The following NELL1 variants were observed in gnomAD, a reference collection of about 807,000 sequenced individuals.
The protein encoded by NELL1 is neural EGFL like 1, also known as protein kinase C-binding protein NELL1.
Under a neutral mutation model 107.4 loss-of-function variants are expected in NELL1, and 76 were observed. The ratio of observed to expected loss-of-function variants is 0.71; its 90% confidence interval spans 0.59 to 0.86. The LOEUF (loss-of-function observed/expected upper bound fraction) is 0.86. Ranked by LOEUF, NELL1 falls within the 40% of genes least tolerant of loss-of-function variation. The probability of loss-of-function intolerance (pLI) is 0.00; values close to 1 mark genes in which losing one functional copy is unlikely to be tolerated. For missense variants in NELL1, 1,024 were observed against 1,005.5 expected (o/e 1.02, Z -0.25); for synonymous variants, 353 against 341.2 (o/e 1.03, Z -0.38).
chr11:20,800,388 T>A (rs144512498), intron 3 of NELL1, among the ~76,000 whole-genome samples: 2,101 of 152,330 alleles, frequency 0.014, 61 homozygotes, highest in African/African-American at 0.048. Flanking sequence ...ATAATAGGCA[T>A]TCTGAAGGGT....
At chr11:20,794,376 A>G (rs960771960) in intron 3 of NELL1, among the ~76,000 whole-genome samples, 1 of 152,226 alleles carries the variant, frequency 6.6e-6, no homozygotes, top group Admixed American at 6.5e-5. Flanking sequence ...CATAGTATGC[A>G]CTCAATAAAC....
At chr11:21,404,858 T>C (rs554146622) in intron 15 of NELL1, among the ~76,000 whole-genome samples, 1 of 152,110 alleles carries the variant, frequency 6.6e-6, no homozygotes, top group South Asian at 2.1e-4. Flanking sequence ...TCCTCAGTGG[T>C]CCCAAGGGGA....
chr11:21,239,515 A>C (rs1037455818), intron 14 of NELL1, among the ~76,000 whole-genome samples: 4 of 152,076 alleles, frequency 2.6e-5, no homozygotes, highest in Non-Finnish European at 5.9e-5. Flanking sequence ...AACATTCGTG[A>C]GACTCAGATC....
chr11:20,818,406 CTTTTTTTTTT>C (rs57318040), intron 3 of NELL1, among the ~76,000 whole-genome samples: 3 of 108,726 alleles, frequency 2.8e-5, no homozygotes, highest in Non-Finnish European at 3.9e-5. Flanking sequence ...GCAACCCCTG[CTTTTTTTTTT>C]TTTTTTTTTT....
intron 15 of NELL1, among the ~76,000 whole-genome samples, chr11:21,371,267 T>G (rs1167077619): frequency 6.6e-6 from 1 of 152,136 alleles, no homozygotes; most frequent in African/African-American, 2.4e-5. Context: ...TATCATCTAC[T>G]GGGTAGCATC....
At chr11:21,209,764 G>A (rs1470367042) in intron 13 of NELL1, among the ~76,000 whole-genome samples, 2 of 151,846 alleles carry the variant, frequency 1.3e-5, no homozygotes, top group African/African-American at 4.8e-5. Context: ...AGTCCGATAG[G>A]AATATCCACA....
chr11:20,774,511 A>G (rs1856710662), intron 2 of NELL1, among the ~76,000 whole-genome samples: 3 of 148,002 alleles, frequency 2.0e-5, no homozygotes, highest in African/African-American at 7.3e-5. Context: ...GATTACAGGC[A>G]TATGCTACCA....
intron 14 of NELL1, among the ~76,000 whole-genome samples, chr11:21,333,627 C>T (rs1202684870): frequency 2.0e-5 from 3 of 151,978 alleles, no homozygotes; most frequent in African/African-American, 7.2e-5. Context: ...TTACTGTCAC[C>T]ATGGGTTGTC....
chr11:20,878,563 T>C (rs1849351240), intron 4 of NELL1, among the ~76,000 whole-genome samples: 2 of 152,118 alleles, frequency 1.3e-5, no homozygotes, highest in African/African-American at 2.4e-5. Context: ...TGGTGCTTCT[T>C]GTATAAATCT....
chr11:21,350,936 T>G (rs1850796766), intron 14 of NELL1, among the ~76,000 whole-genome samples: 1 of 152,184 alleles, frequency 6.6e-6, no homozygotes, highest in South Asian at 2.1e-4. Context: ...TATTTGGGAA[T>G]AGGACCTTTA....
At chr11:21,400,208 G>A (rs986802581) in intron 15 of NELL1, among the ~76,000 whole-genome samples, 18 of 151,630 alleles carry the variant, frequency 1.2e-4, no homozygotes, top group Non-Finnish European at 1.6e-4. Context: ...TCTCTGATGC[G>A]TTTCCTACCC....
intron 14 of NELL1, among the ~76,000 whole-genome samples, chr11:21,293,207 C>A (rs550600697): frequency 6.6e-6 from 1 of 151,918 alleles, no homozygotes; most frequent in African/African-American, 2.4e-5. Context: ...CCAGAATCTA[C>A]AAGGAACTTA....
chr11:21,310,973 G>T (rs1213770877), intron 14 of NELL1, among the ~76,000 whole-genome samples: 2 of 152,020 alleles, frequency 1.3e-5, no homozygotes, highest in Admixed American at 6.6e-5. Context: ...TCAAGCTTCG[G>T]TATATGGGCA....
At chr11:20,862,327 C>T (rs902299808) in intron 4 of NELL1, among the ~76,000 whole-genome samples, 1 of 151,970 alleles carries the variant, frequency 6.6e-6, no homozygotes, top group Non-Finnish European at 1.5e-5. Context: ...TTTGGCATAG[C>T]AAAATTGAAC....
chr11:20,755,908 T>A (rs1356516182), intron 2 of NELL1, among the ~76,000 whole-genome samples: 3 of 114,924 alleles, frequency 2.6e-5, no homozygotes, highest in East Asian at 5.4e-4. Context: ...TTTTTTTTTT[T>A]ATGAGACGGA....
At chr11:21,542,782 G>A (rs542474336) in intron 16 of NELL1, among the ~76,000 whole-genome samples, 4 of 152,034 alleles carry the variant, frequency 2.6e-5, no homozygotes, top group African/African-American at 9.6e-5. Context: ...CCTCTTAAAA[G>A]CAATTAGAAT....
chr11:20,965,509 A>G (rs11025838), intron 12 of NELL1, among the ~76,000 whole-genome samples: 15,156 of 152,186 alleles, frequency 0.1, 937 homozygotes, highest in East Asian at 0.25. Flanking sequence ...GGGTTCATCA[A>G]TTCTTCCAGG....
chr11:20,876,494 G>A (rs1351068128), intron 4 of NELL1, among the ~76,000 whole-genome samples: 2 of 152,164 alleles, frequency 1.3e-5, no homozygotes, highest in Non-Finnish European at 2.9e-5. Context: ...CGCCGGGCAC[G>A]GTGGCTCATG....
intron 13 of NELL1, among the ~76,000 whole-genome samples, chr11:21,135,990 GC>G (rs1187489479): frequency 3.3e-5 from 5 of 152,144 alleles, no homozygotes. Context: ...TGGGGAAATA[GC>G]TATTTAAAAA....
Sources: gnomAD v4.1 joint callset for allele counts (sites outside exome capture counted in the v4.1 genomes callset) on GRCh38, gnomAD v4.1.1 for gene constraint, MANE v1.5 for transcripts, NCBI Gene and HGNC (gene_info 2026-07-23, HGNC 2026-07-21) for gene names.